ROBO2: variants seen among roughly 807,000 people sequenced by gnomAD.
ROBO2 encodes roundabout homolog 2.
Under a neutral mutation model 160.8 loss-of-function variants are expected in ROBO2, and 53 were observed. The ratio of observed to expected loss-of-function variants is 0.33; its 90% CI spans 0.26 to 0.41. The LOEUF is 0.41. ROBO2 is among the 10% of genes least tolerant of loss of function. ROBO2 has a pLI of 1.00. For missense variants in ROBO2, 1,577 were observed against 1,722.4 expected (o/e 0.92, Z 1.49); for synonymous variants, 664 against 611.7 (o/e 1.09, Z -1.26).
intron 2 of ROBO2, among the ~76,000 whole-genome samples, chr3:77,020,128 G>A (rs1171892381): frequency 1.3e-5 from 2 of 152,002 alleles, no homozygotes; most frequent in African/African-American, 2.4e-5. Context: ...AACAGCACAG[G>A]AATTATTTAA....
chr3:76,106,885 T>C (rs1225662795), intron 2 of ROBO2, among the ~76,000 whole-genome samples: 1 of 152,146 alleles, frequency 6.6e-6, no homozygotes, highest in Non-Finnish European at 1.5e-5. Context: ...CCTTGTTTGC[T>C]ACCACAAGGG....
At chr3:76,735,337 T>C (rs187354271) in intron 2 of ROBO2, among the ~76,000 whole-genome samples, 279 of 152,060 alleles carry the variant, frequency 1.8e-3, no homozygotes, top group Non-Finnish European at 3.4e-3. Flanking sequence ...AACTCAGAAA[T>C]GGAAAATCAA....
At chr3:76,777,122 A>G (rs74844958) in intron 2 of ROBO2, among the ~76,000 whole-genome samples, 1,771 of 151,202 alleles carry the variant, frequency 0.012, 31 homozygotes, top group African/African-American at 0.039. Context: ...GGCTTTAATC[A>G]AAACTAATGG....
intron 2 of ROBO2, among the ~76,000 whole-genome samples, chr3:76,075,193 G>C (rs1016473686): frequency 3.3e-5 from 5 of 151,764 alleles, no homozygotes; most frequent in Admixed American, 6.6e-5. Context: ...TTCTGTGCCA[G>C]GGCCACCTTG....
At chr3:77,591,529 T>C (rs1364972896) in intron 17 of ROBO2, among the ~76,000 whole-genome samples, 2 of 152,172 alleles carry the variant, frequency 1.3e-5, no homozygotes, top group African/African-American at 4.8e-5. Flanking sequence ...TGTGTAAAAA[T>C]TGCAAGAAAT....
intron 2 of ROBO2, among the ~76,000 whole-genome samples, chr3:77,360,937 G>A (rs1233630188): frequency 6.6e-6 from 1 of 151,526 alleles, no homozygotes; most frequent in Non-Finnish European, 1.5e-5. Flanking sequence ...TGTTGGTAGT[G>A]AGTGATTTTT....
intron 2 of ROBO2, among the ~76,000 whole-genome samples, chr3:76,051,136 G>GA (rs1229620540): frequency 2.6e-5 from 4 of 151,612 alleles, no homozygotes; most frequent in African/African-American, 9.7e-5. Flanking sequence ...TGCCTAGGCT[G>GA]AAAAAAAATT....
intron 2 of ROBO2, among the ~76,000 whole-genome samples, chr3:76,799,243 A>G (rs1056655304): frequency 6.6e-6 from 1 of 151,760 alleles, no homozygotes; most frequent in Non-Finnish European, 1.5e-5. Context: ...CAAAAAAAAA[A>G]CGTATATAAC....
intron 2 of ROBO2, among the ~76,000 whole-genome samples, chr3:77,387,130 C>T (rs2074209822): frequency 6.6e-6 from 1 of 151,862 alleles, no homozygotes; most frequent in South Asian, 2.1e-4. Context: ...ATTTCTCAAA[C>T]TGTGATGCCA....
intron 2 of ROBO2, among the ~76,000 whole-genome samples, chr3:76,416,653 G>A (rs2075769038): frequency 1.3e-5 from 2 of 152,084 alleles, no homozygotes; most frequent in African/African-American, 2.4e-5. Flanking sequence ...GTATTTTAAT[G>A]TACCGATTTA....
intron 2 of ROBO2, among the ~76,000 whole-genome samples, chr3:76,451,951 T>A (rs1181466181): frequency 6.6e-6 from 1 of 152,162 alleles, no homozygotes; most frequent in African/African-American, 2.4e-5. Flanking sequence ...TTTCTCTTTC[T>A]TTATGTTAGA....
intron 6 of ROBO2, among the ~76,000 whole-genome samples, chr3:77,535,436 C>G (rs1381762237): frequency 2.6e-5 from 4 of 152,044 alleles, no homozygotes; most frequent in Non-Finnish European, 5.9e-5. Context: ...CTCCTTCTAT[C>G]CCAGGTATGA....
intron 2 of ROBO2, among the ~76,000 whole-genome samples, chr3:76,119,675 T>G (rs1361976976): frequency 1.3e-5 from 2 of 151,998 alleles, no homozygotes; most frequent in Non-Finnish European, 2.9e-5. Flanking sequence ...CTTTTAACAT[T>G]TGTGAAATGT....
intron 2 of ROBO2, among the ~76,000 whole-genome samples, chr3:77,451,111 C>T (rs1221322188): frequency 6.6e-6 from 1 of 152,058 alleles, no homozygotes; most frequent in African/African-American, 2.4e-5. Flanking sequence ...CAAAGGGAAT[C>T]AGAACATACG....
At chr3:76,209,074 CT>C (rs1364179943) in intron 2 of ROBO2, among the ~76,000 whole-genome samples, 1 of 152,176 alleles carries the variant, frequency 6.6e-6, no homozygotes, top group African/African-American at 2.4e-5. Context: ...TGTCTATGCA[CT>C]CTTCCAGATT....
At chr3:76,417,518 A>G (rs1448932836) in intron 2 of ROBO2, among the ~76,000 whole-genome samples, 1 of 152,180 alleles carries the variant, frequency 6.6e-6, no homozygotes, top group African/African-American at 2.4e-5. Context: ...TCTCCTTCAT[A>G]AGGAGTTTAG....
At chr3:77,224,841 A>C (rs559378857) in intron 2 of ROBO2, among the ~76,000 whole-genome samples, 40 of 151,944 alleles carry the variant, frequency 2.6e-4, no homozygotes, top group African/African-American at 9.4e-4. Flanking sequence ...GTTATTAGAC[A>C]TTTATTTTTC....
intron 2 of ROBO2, among the ~76,000 whole-genome samples, chr3:76,444,641 G>T (rs1405897426): frequency 6.6e-6 from 1 of 152,086 alleles, no homozygotes; most frequent in South Asian, 2.1e-4. Context: ...CAGCATGGGG[G>T]AACCACCTCC....
At chr3:76,532,472 A>G (rs550003846) in intron 2 of ROBO2, among the ~76,000 whole-genome samples, 1 of 152,286 alleles carries the variant, frequency 6.6e-6, no homozygotes, top group South Asian at 2.1e-4. Flanking sequence ...CTTTCATATG[A>G]TCAAAATAAT....
Sources: allele counts gnomAD v4.1 joint callset (sites outside exome capture counted in the v4.1 genomes callset), GRCh38; gene constraint gnomAD v4.1.1; transcripts MANE v1.5; gene names NCBI Gene and HGNC (gene_info 2026-07-23, HGNC 2026-07-21).